The following USP13 variants were observed in gnomAD, a reference collection of about 807,000 sequenced individuals.
USP13 encodes the protein ubiquitin specific peptidase 13.
In USP13, 68 loss-of-function variants were observed where a neutral mutation model predicts 107.8. That is an observed-to-expected ratio of 0.63 (90% CI 0.52 to 0.77). The LOEUF (loss-of-function observed/expected upper bound fraction) is 0.77, where lower values mean the gene tolerates loss of function less well. USP13 is among the 30% of genes least tolerant of loss of function. The pLI, the probability that USP13 is intolerant of heterozygous loss-of-function variation, is 0.00. For missense variants in USP13, 945 were observed against 1,093.3 expected (o/e 0.86, Z 1.91); for synonymous variants, 377 against 389.5 (o/e 0.97, Z 0.38).
Position 179,784,242 on chromosome 3 carries a change from T to C in USP13, c.*101T>C. On this transcript the variant is annotated 3_prime_UTR_variant, in exon 21 of 21. Coordinates refer to ENST00000263966, the MANE Select transcript of USP13 (RefSeq NM_003940.3). ...GTTGAAACAACTAGACATGAAGGAA[T>C]ATATGGGGTATTTATCGTTTATTTA... 3.4e-5 allele frequency: 28 copies of C among 818,108 alleles called. No homozygotes were observed. Among genetic ancestry groups the C allele is most frequent in the Non-Finnish European group, 5.4e-5 (27 of 504,222 alleles). 50.7% of individuals were successfully genotyped at this position (818,108 alleles called of 1,614,324 possible). A position where few individuals can be genotyped will look rare whatever the true frequency, so the allele number is the denominator to read the frequency against.
chr3:179,742,422 G>A lies in USP13; in HGVS notation c.1534+72G>A. The A allele has an allele frequency of 6.9e-6, 11 of 1,584,024 alleles. No homozygotes were observed. The highest frequency in any genetic ancestry group is 2.3e-5 in the East Asian group (1 of 43,640). ...GAAAACCCTCAAATCAGAGAGAATG[G>A]TTTAGTCACTGAAGTGTGTCAGGAG... On this transcript the variant is annotated intron_variant, in intron 12 of 20. Transcript: ENST00000263966. The surrounding 1 kb of genome is among the most constrained non-coding windows in gnomAD (Gnocchi z 5.0).
chr3:179,699,767 ATTTAT>A (rs940995960), intron 3 of USP13, among the ~76,000 whole-genome samples: 1 of 145,432 alleles, frequency 6.9e-6, no homozygotes, highest in Non-Finnish European at 1.5e-5. Flanking sequence ...TTATTTATTT[ATTTAT>A]TTATTTATTT....
chr3:179,769,234 C>T (rs1050455688), intron 19 of USP13, among the ~76,000 whole-genome samples: 11 of 152,098 alleles, frequency 7.2e-5, no homozygotes, highest in African/African-American at 2.7e-4. Context: ...CATGTATATA[C>T]ATCTATATTG....
At chr3:179,690,074 C>G (rs1712059330) in intron 2 of USP13, among the ~76,000 whole-genome samples, 167 bp from the exon 3 acceptor site, 1 of 152,140 alleles carries the variant, frequency 6.6e-6, no homozygotes, top group Admixed American at 6.5e-5. Context: ...CTTCACCTAC[C>G]TGCATTAACC....
At chr3:179,672,927 TG>T (rs1720790023) in intron 1 of USP13, among the ~76,000 whole-genome samples, 1 of 152,228 alleles carries the variant, frequency 6.6e-6, no homozygotes, top group Admixed American at 6.5e-5. Flanking sequence ...TTGGTCATTC[TG>T]GGCTGGGTGT....
At chr3:179,770,792 C>G (rs9833194) in intron 19 of USP13, among the ~76,000 whole-genome samples, 18,336 of 151,818 alleles carry the variant, frequency 0.12, 1,550 homozygotes, top group African/African-American at 0.23. Flanking sequence ...GTTTTTAGTA[C>G]AGATGGGGTT....
intron 6 of USP13, among the ~76,000 whole-genome samples, chr3:179,711,364 A>T (rs1712920647): frequency 6.6e-6 from 1 of 152,016 alleles, no homozygotes; most frequent in Non-Finnish European, 1.5e-5. Context: ...GAGGTGCCCC[A>T]ACCACGCCCA....
In USP13 at chr3:179,683,878, T is replaced by A. The variant is rs192074055; in HGVS notation, c.294+1875T>A. Among the ~76,000 whole-genome samples, 800 of 152,352 alleles carry A rather than the reference T, an allele frequency of 5.3e-3. 6 individuals are homozygous for A. The highest frequency in any genetic ancestry group is 0.018 in the African/African-American group (768 of 41,578). ...TATTTGTATGAAGAATGGGAATCTA[T>A]TTTTTCATATTGATAACCAGTTGTT... On this transcript the variant is annotated intron_variant, in intron 2 of 20. Coordinates refer to ENST00000263966, the MANE Select transcript of USP13 (RefSeq NM_003940.3).
intron 4 of USP13, 124 bp from the exon 5 acceptor site, chr3:179,706,810 C>G (rs781781417): frequency 6.4e-5 from 75 of 1,172,856 alleles, no homozygotes; most frequent in Non-Finnish European, 8.3e-5. Flanking sequence ...CCCTCTCTTG[C>G]GACAACTACG....
intron 1 of USP13, among the ~76,000 whole-genome samples, chr3:179,674,612 A>G (rs930253333): frequency 3.6e-5 from 5 of 140,058 alleles, no homozygotes; most frequent in African/African-American, 1.4e-4. Flanking sequence ...ATATTTTTGC[A>G]CAAATTAGTT....
chr3:179,738,228 A>G (rs917989451), intron 10 of USP13, among the ~76,000 whole-genome samples: 6 of 152,216 alleles, frequency 3.9e-5, no homozygotes, highest in African/African-American at 1.4e-4. Context: ...GAGGAGAGGA[A>G]TATGGTCTGC....
chr3:179,758,559 C>G (rs1220822245), intron 16 of USP13, among the ~76,000 whole-genome samples: 1 of 151,238 alleles, frequency 6.6e-6, no homozygotes, highest in Non-Finnish European at 1.5e-5. Context: ...AGTGCAGTGG[C>G]GCGATCTCGG....
intron 14 of USP13, 66 bp from the exon 15 acceptor site, chr3:179,754,666 T>C (rs1714724885): frequency 1.3e-6 from 2 of 1,555,834 alleles, no homozygotes; most frequent in South Asian, 1.2e-5. Flanking sequence ...TGTAGAGTTA[T>C]AGTGCTGGTA....
Position 179,750,320 on chromosome 3 carries a change from A to ATATATATATG in USP13, c.1710-1964_1710-1963insATATATATGT, listed in dbSNP as rs1274046632. Among the ~76,000 whole-genome samples, 3 of 40,792 alleles carry ATATATATATG rather than the reference A, an allele frequency of 7.4e-5. 1 individual carries two copies. Among genetic ancestry groups the ATATATATATG allele is most frequent in the African/African-American group, 2.2e-4 (3 of 13,356 alleles). 26.8% of individuals were successfully genotyped at this position (40,792 alleles called of 152,430 possible). ...TATGTGTGTGTATATATATATATAT[A>ATATATATATG]TGTGTGTATATATATATATATATAT... is the stretch of plus-strand genomic sequence containing the variant. On this transcript the variant is annotated intron_variant, in intron 13 of 20. Transcript: ENST00000263966.
chr3:179,680,585 C>T (rs1345086471), intron 1 of USP13, among the ~76,000 whole-genome samples: 1 of 152,092 alleles, frequency 6.6e-6, no homozygotes, highest in Non-Finnish European at 1.5e-5. Context: ...CTTGCTTTGT[C>T]ACCCAGGCTG....
At chr3:179,776,689 G>A (rs895657724) in intron 19 of USP13, among the ~76,000 whole-genome samples, 2 of 152,000 alleles carry the variant, frequency 1.3e-5, no homozygotes, top group Non-Finnish European at 2.9e-5. Flanking sequence ...TACTTTGAAG[G>A]TTTTTCTGTT....
In USP13 at chr3:179,779,479, G is replaced by A. The variant is rs577268642; in HGVS notation, c.2414-2260G>A. On this transcript the variant is annotated intron_variant, in intron 19 of 20. Coordinates refer to ENST00000263966, the MANE Select transcript of USP13 (RefSeq NM_003940.3). ...CAGGGGGTGGAGGTTGCAGTGAGCC[G>A]AGATTGCGCCACTGCACTCCAGACT... 5.3e-5 allele frequency among the ~76,000 whole-genome samples: 8 copies of A among 152,064 alleles called. No homozygotes were observed. The South Asian group carries it at 1.2e-3, about 24-fold the overall frequency.
At chr3:179,763,732 T>C (rs1576986565) in intron 17 of USP13, among the ~76,000 whole-genome samples, 1 of 150,792 alleles carries the variant, frequency 6.6e-6, no homozygotes, top group Admixed American at 6.6e-5. Context: ...ATTACAGGTG[T>C]GCACCACCAT....
At chr3:179,666,391 C>A (rs1157679383) in intron 1 of USP13, among the ~76,000 whole-genome samples, 1 of 152,204 alleles carries the variant, frequency 6.6e-6, no homozygotes, top group Admixed American at 6.5e-5. Context: ...TGGAAGAAGC[C>A]TCAGTTAGTG....
Sources: gnomAD v4.1 joint callset for allele counts (sites outside exome capture counted in the v4.1 genomes callset) on GRCh38, gnomAD v4.1.1 for gene constraint, Gnocchi (gnomAD v3.1) non-coding constraint, MANE v1.5 for transcripts, NCBI Gene and HGNC (gene_info 2026-07-23, HGNC 2026-07-21) for gene names.